Variants in MALRD1 observed in about 807,000 individuals in gnomAD.
MALRD1 encodes MAM and LDL receptor class A domain containing 1.
MALRD1 carries 247 observed loss-of-function variants against 242.1 expected under a neutral mutation model. The ratio of observed to expected loss-of-function variants is 1.02; its 90% CI spans 0.92 to 1.13. The LOEUF (loss-of-function observed/expected upper bound fraction) is 1.13. MALRD1 is among the 50% of genes most tolerant of loss of function. The probability of loss-of-function intolerance (pLI) is 0.00; values close to 1 mark genes in which losing one functional copy is unlikely to be tolerated. For synonymous variants in MALRD1, 995 were observed against 866.6 expected (o/e 1.15, Z -2.60); for missense variants, 2,989 against 2,533.1 (o/e 1.18, Z -3.86).
intron 36 of MALRD1, among the ~76,000 whole-genome samples, chr10:19,690,617 A>G (rs1168236052): frequency 6.6e-6 from 1 of 151,948 alleles, no homozygotes; most frequent in Non-Finnish European, 1.5e-5. Context: ...CCCTCATTCT[A>G]TGTGTATTTT....
intron 38 of MALRD1, among the ~76,000 whole-genome samples, chr10:19,696,336 A>C (rs901683448): frequency 1.3e-5 from 2 of 152,198 alleles, no homozygotes; most frequent in African/African-American, 4.8e-5. Context: ...AAGATTTAAT[A>C]ACATTTTTAG....
chr10:19,163,908 G>T (rs902795092), intron 12 of MALRD1, among the ~76,000 whole-genome samples: 4 of 152,160 alleles, frequency 2.6e-5, no homozygotes, highest in African/African-American at 9.7e-5. Context: ...ACTTCACACT[G>T]GTGATGTACT....
In MALRD1 at chr10:19,342,251, A is replaced by G. The variant is rs114731288; in HGVS notation, c.3902-5520A>G. On this transcript the variant is annotated intron_variant, in intron 24 of 39. Coordinates refer to ENST00000454679, the MANE Select transcript of MALRD1 (RefSeq NM_001142308.3). ...TACACCAGTGTGCATTATCCTGGGT[A>G]CTGAAAACGACTGACCTGCGTCATT... Among the ~76,000 whole-genome samples the G allele has an allele frequency of 4.9e-3, 752 of 152,238 alleles. 11 individuals are homozygous for G. Among genetic ancestry groups the G allele is most frequent in the African/African-American group, 0.017 (708 of 41,546 alleles).
chr10:19,610,763 A>G (rs1838857441), intron 35 of MALRD1, among the ~76,000 whole-genome samples: 1 of 152,042 alleles, frequency 6.6e-6, no homozygotes. Context: ...GTTCTAGTTC[A>G]GATGCTTCTT....
At chr10:19,418,392 A>C (rs1264211269) in intron 28 of MALRD1, among the ~76,000 whole-genome samples, 1 of 152,104 alleles carries the variant, frequency 6.6e-6, no homozygotes, top group Non-Finnish European at 1.5e-5. Flanking sequence ...GGTATGTTTT[A>C]TATTTTTCTT....
chr10:19,104,030 G>C lies in MALRD1; in HGVS notation c.649G>C (p.Ala217Pro). 6.5e-6 allele frequency: 8 copies of C among 1,233,818 alleles called. No individual in the cohort carries two copies. The highest frequency in any genetic ancestry group is 8.1e-6 in the Non-Finnish European group (8 of 988,088). 76.4% of individuals were successfully genotyped at this position (1,233,818 alleles called of 1,614,324 possible). The change falls in exon 5 of 40, where the codon GCT becomes CCT. Residue 217 changes from alanine (A) to proline (P), a missense_variant. Ala to Pro is a conservative substitution (Grantham distance 27). Transcript: ENST00000454679. ...AACGTATGAACAGGATGAAGTCATT[G>C]CTATTGATGATATATCTTTCAGTTC... ...ASTYEQDEVI[A>P]IDDISFSSGC...
intron 18 of MALRD1, among the ~76,000 whole-genome samples, chr10:19,245,180 A>T (rs1234725369): frequency 2.0e-5 from 3 of 152,206 alleles, no homozygotes; most frequent in African/African-American, 7.2e-5. Context: ...GCATGAGCTT[A>T]TGCACTGAGA....
intron 29 of MALRD1, among the ~76,000 whole-genome samples, chr10:19,486,611 T>G (rs1416336582): frequency 6.6e-6 from 1 of 152,156 alleles, no homozygotes; most frequent in Non-Finnish European, 1.5e-5. Context: ...ATTCTTCATG[T>G]GGTTACATGA....
chr10:19,645,782 G>A (rs542805606), intron 36 of MALRD1, among the ~76,000 whole-genome samples: 10 of 152,252 alleles, frequency 6.6e-5, no homozygotes, highest in South Asian at 2.1e-4. Flanking sequence ...AATGCTAAAT[G>A]ACGAGTTAAT....
intron 36 of MALRD1, among the ~76,000 whole-genome samples, chr10:19,623,106 A>G (rs932244860): frequency 3.3e-5 from 5 of 152,156 alleles, no homozygotes; most frequent in African/African-American, 7.2e-5. Flanking sequence ...CTTTTTTTCA[A>G]TGACTCAAAT....
At chr10:19,271,687 C>T (rs1013058513) in intron 19 of MALRD1, among the ~76,000 whole-genome samples, 9 of 151,434 alleles carry the variant, frequency 5.9e-5, no homozygotes, top group African/African-American at 1.5e-4. Context: ...CACTTGAACC[C>T]GGGAGGTGGA....
intron 2 of MALRD1, among the ~76,000 whole-genome samples, chr10:19,073,178 G>C (rs1324758398): frequency 1.3e-5 from 2 of 152,026 alleles, no homozygotes; most frequent in African/African-American, 4.8e-5. Context: ...GCCTCCCGAA[G>C]TGCTGGAATT....
intron 24 of MALRD1, among the ~76,000 whole-genome samples, chr10:19,333,805 A>G (rs1210893758): frequency 6.6e-6 from 1 of 151,748 alleles, no homozygotes; most frequent in Admixed American, 6.6e-5. Flanking sequence ...CCTCGCCAAC[A>G]TCTGTTCTTT....
At position 19,699,444 on chromosome 10, in the gene MALRD1, T is replaced by G. The variant is rs77946699; in HGVS notation, c.6314+6890T>G. ...ATGGAAAATAGAGATAAATTGGAAC[T>G]GTAGGGTTGTTCAGGCAGTGCTCAT... On this transcript the variant is annotated intron_variant, in intron 38 of 39. Transcript: ENST00000454679. Among the ~76,000 whole-genome samples the G allele has an allele frequency of 5.6e-3, 856 of 152,162 alleles. 11 individuals carry two copies. Among genetic ancestry groups the G allele is most frequent in the African/African-American group, 0.019 (795 of 41,510 alleles).
intron 28 of MALRD1, among the ~76,000 whole-genome samples, chr10:19,435,625 T>C (rs1834323455): frequency 6.6e-6 from 1 of 152,182 alleles, no homozygotes; most frequent in Non-Finnish European, 1.5e-5. Context: ...AGAAGTCCCA[T>C]TGTTATCACA....
At chr10:19,226,182 T>TG (rs1237175082) in intron 18 of MALRD1, among the ~76,000 whole-genome samples, 2 of 152,158 alleles carry the variant, frequency 1.3e-5, no homozygotes, top group African/African-American at 4.8e-5. Context: ...TATCTCAAGT[T>TG]GGTTTCAACA....
intron 21 of MALRD1, among the ~76,000 whole-genome samples, chr10:19,293,108 A>G (rs934992089): frequency 1.4e-4 from 21 of 152,180 alleles, no homozygotes; most frequent in African/African-American, 4.6e-4. Flanking sequence ...AGATAAGCCA[A>G]TATTTTATAG....
intron 28 of MALRD1, among the ~76,000 whole-genome samples, chr10:19,441,359 T>C (rs1834638065): frequency 6.6e-6 from 1 of 152,220 alleles, no homozygotes; most frequent in Admixed American, 6.5e-5. Context: ...ATCCCATTTG[T>C]CAATTTTGGC....
intron 29 of MALRD1, among the ~76,000 whole-genome samples, chr10:19,457,699 G>A (rs564140766): frequency 1.3e-5 from 2 of 149,266 alleles, no homozygotes; most frequent in East Asian, 2.0e-4. Flanking sequence ...GGAGAACTGG[G>A]TTGGTCCAAG....
Sources: allele counts gnomAD v4.1 joint callset (sites outside exome capture counted in the v4.1 genomes callset), GRCh38; gene constraint gnomAD v4.1.1; transcripts MANE v1.5; gene names NCBI Gene and HGNC (gene_info 2026-07-23, HGNC 2026-07-21).